RUNX1T1: variants seen among roughly 807,000 people sequenced by gnomAD.
RUNX1T1 encodes the protein RUNX1 partner transcriptional co-repressor 1, also known as protein CBFA2T1.
RUNX1T1 carries 4 observed loss-of-function variants against 62.8 expected under a neutral mutation model. The observed-to-expected ratio is 0.06, with a 90% CI of 0.03 to 0.15. The LOEUF is 0.15. Among genes scored for constraint, RUNX1T1 ranks in the 10% least tolerant of loss-of-function variants. The pLI is 1.00. For missense variants in RUNX1T1, 508 were observed against 754.3 expected (o/e 0.67, Z 3.82); for synonymous variants, 291 against 286.0 (o/e 1.02, Z -0.18).
intron 1 of RUNX1T1, among the ~76,000 whole-genome samples, chr8:92,055,364 G>A (rs1220851544): frequency 2.0e-5 from 3 of 152,266 alleles, no homozygotes; most frequent in Admixed American, 2.0e-4. Context: ...TTCCTAAATT[G>A]TACAAAATAG....
intron 2 of RUNX1T1, among the ~76,000 whole-genome samples, chr8:92,070,593 T>C (rs1054892217): frequency 1.4e-5 from 2 of 141,624 alleles, no homozygotes; most frequent in Non-Finnish European, 3.0e-5. Flanking sequence ...AACAAATATA[T>C]AAAATATTGA....
At chr8:92,034,787 T>TAC in intron 1 of RUNX1T1, among the ~76,000 whole-genome samples, 1 of 108,006 alleles carries the variant, frequency 9.3e-6, no homozygotes, top group Non-Finnish European at 2.0e-5. Flanking sequence ...CACATATATA[T>TAC]ATACATATAT....
At chr8:91,960,861 C>A (rs1207008784) in intron 10 of RUNX1T1, among the ~76,000 whole-genome samples, 3 of 152,208 alleles carry the variant, frequency 2.0e-5, no homozygotes, top group African/African-American at 7.2e-5. Flanking sequence ...ATTTCCAAAT[C>A]TTTTCCCAAT....
At chr8:92,069,380 T>C (rs1246958347) in intron 2 of RUNX1T1, among the ~76,000 whole-genome samples, 1 of 151,734 alleles carries the variant, frequency 6.6e-6, no homozygotes, top group Non-Finnish European at 1.5e-5. Flanking sequence ...TTCAACAAAA[T>C]CCACCAGGTG....
chr8:91,968,734 T>C (rs1011844686), intron 10 of RUNX1T1, among the ~76,000 whole-genome samples: 8 of 152,168 alleles, frequency 5.3e-5, no homozygotes, highest in African/African-American at 1.7e-4. Flanking sequence ...CAAAACAACA[T>C]AGGGACTGAA....
chr8:92,003,242 C>G, intron 5 of RUNX1T1: 1 of 416,794 alleles, frequency 2.4e-6, no homozygotes, highest in East Asian at 7.1e-5. Context: ...GAATGCTGAG[C>G]CTCTGTGGAA....
At chr8:92,096,462 G>C (rs1280978025) in intron 1 of RUNX1T1, among the ~76,000 whole-genome samples, 1 of 152,208 alleles carries the variant, frequency 6.6e-6, no homozygotes, top group Non-Finnish European at 1.5e-5. Context: ...AGACACACCT[G>C]AGTAGTCCCT....
intron 1 of RUNX1T1, among the ~76,000 whole-genome samples, chr8:92,079,024 G>A (rs932852553): frequency 1.3e-5 from 2 of 152,170 alleles, no homozygotes; most frequent in Non-Finnish European, 2.9e-5. Flanking sequence ...GAGATCAAGT[G>A]CAGTTCCCCA....
chr8:92,056,519 A>G (rs191400558), intron 1 of RUNX1T1, among the ~76,000 whole-genome samples: 204 of 152,296 alleles, frequency 1.3e-3, no homozygotes, highest in African/African-American at 4.8e-3. Context: ...GAGCCAGACT[A>G]CACTTATCAC....
chr8:92,066,227 C>A (rs940948405), upstream of RUNX1T1, among the ~76,000 whole-genome samples: 11 of 152,138 alleles, frequency 7.2e-5, no homozygotes, highest in African/African-American at 2.7e-4. Flanking sequence ...CATTAAGACC[C>A]CCCTGCTCTT....
chr8:92,048,367 C>T (rs1328822015), intron 1 of RUNX1T1, among the ~76,000 whole-genome samples: 2 of 152,034 alleles, frequency 1.3e-5, no homozygotes, highest in East Asian at 3.9e-4. Flanking sequence ...AAGCTTGTTA[C>T]GGATTTTAAT....
intron 3 of RUNX1T1, among the ~76,000 whole-genome samples, chr8:92,011,919 C>T (rs1208817999): frequency 6.6e-6 from 1 of 152,178 alleles, no homozygotes; most frequent in Admixed American, 6.5e-5. Flanking sequence ...AGTAAATTAA[C>T]CCTCATTTCA....
At chr8:92,000,963 T>C (rs896609122) in intron 5 of RUNX1T1, among the ~76,000 whole-genome samples, 4 of 152,228 alleles carry the variant, frequency 2.6e-5, no homozygotes. Flanking sequence ...GCAAATATGC[T>C]TGTTTCTCCA....
intron 1 of RUNX1T1, among the ~76,000 whole-genome samples, chr8:92,055,106 A>C (rs1830834036): frequency 6.6e-6 from 1 of 152,212 alleles, no homozygotes. Flanking sequence ...AATGAAAGTA[A>C]CTATGGCTTA....
chr8:92,049,412 T>C (rs1184467516), intron 1 of RUNX1T1, among the ~76,000 whole-genome samples: 1 of 152,162 alleles, frequency 6.6e-6, no homozygotes, highest in East Asian at 1.9e-4. Context: ...TTTCCCTCTT[T>C]TTCTGACATT....
At chr8:92,054,797 C>G (rs1352207986) in intron 1 of RUNX1T1, among the ~76,000 whole-genome samples, 2 of 152,010 alleles carry the variant, frequency 1.3e-5, no homozygotes, top group African/African-American at 4.8e-5. Flanking sequence ...AGACTGAGAC[C>G]ATCCTGGCCA....
intron 1 of RUNX1T1, among the ~76,000 whole-genome samples, chr8:92,056,923 G>A (rs758676235): frequency 5.9e-5 from 9 of 152,146 alleles, no homozygotes; most frequent in Non-Finnish European, 1.0e-4. Flanking sequence ...CAAAAGCCAA[G>A]AAAGGTGATA....
At chr8:92,077,526 T>C (rs1462834625) in intron 1 of RUNX1T1, among the ~76,000 whole-genome samples, 2 of 152,080 alleles carry the variant, frequency 1.3e-5, no homozygotes, top group Non-Finnish European at 2.9e-5. Context: ...GCAATGTGAG[T>C]AACTTTTCTG....
chr8:92,034,868 T>A lies in RUNX1T1; in HGVS notation c.8-17505A>T, dbSNP rs370569444. Among the ~76,000 whole-genome samples the A allele has an allele frequency of 3.4e-4, 43 of 126,948 alleles. 1 individual carries two copies. In the East Asian group the frequency reaches 5.6e-3, roughly 17 times the overall value. 83.3% of individuals were successfully genotyped at this position (126,948 alleles called of 152,430 possible). A position where few individuals can be genotyped will look rare whatever the true frequency, so the allele number is the denominator to read the frequency against. On this transcript the variant is annotated intron_variant, in intron 1 of 10. Coordinates refer to ENST00000396218, the Ensembl canonical transcript of RUNX1T1. ...AATACCACCCAGCCATTAAAAACAA[T>A]CAAATCATGTATTTTGCAGCAACCC...
Sources: allele counts gnomAD v4.1 joint callset (sites outside exome capture counted in the v4.1 genomes callset), GRCh38; gene constraint gnomAD v4.1.1; transcripts MANE v1.5; gene names NCBI Gene and HGNC (gene_info 2026-07-23, HGNC 2026-07-21).